The following IFT88 variants were observed in gnomAD, a reference collection of about 807,000 sequenced individuals.
The protein encoded by IFT88 is intraflagellar transport protein 88 homolog.
A neutral mutation model predicts 119.5 loss-of-function variants in IFT88; 74 were observed. The ratio of observed to expected loss-of-function variants is 0.62; its 90% CI spans 0.51 to 0.75. The LOEUF (loss-of-function observed/expected upper bound fraction) is 0.75, where lower values mean the gene tolerates loss of function less well. IFT88 is among the 30% of genes least tolerant of loss of function. The pLI, the probability that IFT88 is intolerant of heterozygous loss-of-function variation, is 0.00. For synonymous variants in IFT88, 279 were observed against 316.7 expected (o/e 0.88, Z 1.26); for missense variants, 961 against 977.7 (o/e 0.98, Z 0.23).
At chr13:20,571,156 G>T (rs184156008) in intron 1 of IFT88, among the ~76,000 whole-genome samples, 80 of 152,030 alleles carry the variant, frequency 5.3e-4, no homozygotes, top group African/African-American at 1.8e-3. Flanking sequence ...ATCATGCCCG[G>T]CTAATTTTTT....
At chr13:20,595,706 A>G (rs185023929) in intron 7 of IFT88, among the ~76,000 whole-genome samples, 4 of 152,298 alleles carry the variant, frequency 2.6e-5, no homozygotes, top group African/African-American at 9.6e-5. Context: ...TGTCTTATCT[A>G]TAACTATTCT....
intron 24 of IFT88, among the ~76,000 whole-genome samples, chr13:20,672,346 C>A (rs1041586260): frequency 3.3e-5 from 5 of 152,136 alleles, no homozygotes; most frequent in Admixed American, 2.6e-4. Flanking sequence ...GAGCCATTAC[C>A]CAGAGCTGGA....
intron 20 of IFT88, among the ~76,000 whole-genome samples, chr13:20,650,305 A>C (rs1016413593): frequency 6.6e-5 from 10 of 152,178 alleles, no homozygotes; most frequent in African/African-American, 2.4e-4. Flanking sequence ...CTAGAATGCA[A>C]AGATAGTTCA....
chr13:20,615,657 A>G (rs966721246), intron 13 of IFT88, 136 bp from the exon 14 acceptor site: 9 of 456,550 alleles, frequency 2.0e-5, no homozygotes, highest in Admixed American at 1.2e-4. Flanking sequence ...ATAGATTTCT[A>G]TGGTACCTGT....
intron 14 of IFT88, among the ~76,000 whole-genome samples, chr13:20,623,441 A>G (rs1030406027): frequency 6.6e-6 from 1 of 152,194 alleles, no homozygotes; most frequent in African/African-American, 2.4e-5. Flanking sequence ...CTTCTGGTCC[A>G]TAAACATGGG....
At chr13:20,671,632 A>G (rs1166540798) in intron 24 of IFT88, among the ~76,000 whole-genome samples, 1 of 152,170 alleles carries the variant, frequency 6.6e-6, no homozygotes, top group East Asian at 1.9e-4. Context: ...AAGACATTTT[A>G]TTGAGTTTTC....
intron 22 of IFT88, among the ~76,000 whole-genome samples, chr13:20,656,685 A>T (rs1261527568): frequency 6.6e-6 from 1 of 152,202 alleles, no homozygotes; most frequent in Non-Finnish European, 1.5e-5. Flanking sequence ...TCAGAGTTCT[A>T]TAGAATTTTA....
At chr13:20,613,449 T>G (rs1202003165) in intron 13 of IFT88, among the ~76,000 whole-genome samples, 1 of 151,994 alleles carries the variant, frequency 6.6e-6, no homozygotes, top group African/African-American at 2.4e-5. Flanking sequence ...TTGGTAAGAG[T>G]GTGGAGAAAT....
At chr13:20,669,424 A>AT (rs34389525) in intron 23 of IFT88, among the ~76,000 whole-genome samples, 16,972 of 142,976 alleles carry the variant, frequency 0.12, 1,989 homozygotes, top group African/African-American at 0.3. Flanking sequence ...TATTTTCAGC[A>AT]TTTTTTTTTT....
chr13:20,671,201 A>C (rs541292105), intron 24 of IFT88, among the ~76,000 whole-genome samples, 162 bp downstream of exon 24: 44 of 152,332 alleles, frequency 2.9e-4, no homozygotes, highest in African/African-American at 1.0e-3. Flanking sequence ...AGTCAGTCTG[A>C]TATGTAAATG....
At chr13:20,648,895 A>G (rs1465616262) in intron 20 of IFT88, among the ~76,000 whole-genome samples, 1 of 152,170 alleles carries the variant, frequency 6.6e-6, no homozygotes, top group Admixed American at 6.6e-5. Context: ...TTGTCAGACA[A>G]AACAGGCTTT....
intron 22 of IFT88, among the ~76,000 whole-genome samples, chr13:20,661,386 A>G (rs1207261077): frequency 2.6e-5 from 4 of 152,174 alleles, no homozygotes; most frequent in Non-Finnish European, 4.4e-5. Context: ...TGGAAAATGT[A>G]GCAGATTGAA....
intron 1 of IFT88, among the ~76,000 whole-genome samples, chr13:20,569,193 C>A (rs144641650): frequency 4.9e-4 from 75 of 152,232 alleles, no homozygotes; most frequent in African/African-American, 1.6e-3. Context: ...TATAAATATT[C>A]TTGACCTTAG....
At chr13:20,650,128 G>T (rs1216088352) in intron 20 of IFT88, among the ~76,000 whole-genome samples, 1 of 152,058 alleles carries the variant, frequency 6.6e-6, no homozygotes, top group Non-Finnish European at 1.5e-5. Context: ...AACTCAGTCA[G>T]TGAGGCCAGC....
chr13:20,655,748 C>T (rs934258030), intron 21 of IFT88, among the ~76,000 whole-genome samples: 8 of 152,110 alleles, frequency 5.3e-5, no homozygotes, highest in Admixed American at 5.2e-4. Flanking sequence ...CCCACCTCAG[C>T]CTCCCAAAAT....
chr13:20,567,417 C>T (rs933380038), intron 1 of IFT88, among the ~76,000 whole-genome samples, 161 bp downstream of exon 1: 8 of 152,258 alleles, frequency 5.3e-5, no homozygotes, highest in Non-Finnish European at 1.0e-4. Flanking sequence ...TGGACTCGGC[C>T]TGCCCCTGCT....
intron 7 of IFT88, 69 bp downstream of exon 7, chr13:20,592,473 A>G (rs2040846873): frequency 1.5e-6 from 2 of 1,297,122 alleles, no homozygotes; most frequent in East Asian, 4.7e-5. Context: ...TTCCAAATAC[A>G]CAATTTTTTT....
intron 13 of IFT88, among the ~76,000 whole-genome samples, chr13:20,614,668 G>A (rs1475485874): frequency 1.3e-5 from 2 of 152,160 alleles, no homozygotes; most frequent in Admixed American, 6.5e-5. Context: ...ATACTTGAAA[G>A]ATGTTACTGT....
intron 13 of IFT88, among the ~76,000 whole-genome samples, chr13:20,610,397 A>G (rs536672863): frequency 3.8e-4 from 58 of 152,156 alleles, no homozygotes; most frequent in Non-Finnish European, 6.6e-4. Context: ...GCCTTCACCG[A>G]AGGCAGTCAA....
Sources: gnomAD v4.1 joint callset for allele counts (sites outside exome capture counted in the v4.1 genomes callset) on GRCh38, gnomAD v4.1.1 for gene constraint, MANE v1.5 for transcripts, NCBI Gene and HGNC (gene_info 2026-07-23, HGNC 2026-07-21) for gene names.